UCP1: variants seen among roughly 807,000 people sequenced by gnomAD.
UCP1 encodes uncoupling protein 1, also known as mitochondrial brown fat uncoupling protein 1.
A neutral mutation model predicts 26.2 loss-of-function variants in UCP1; 24 were observed. That is an observed-to-expected ratio of 0.92 (90% CI 0.66 to 1.29). The LOEUF is 1.29. Among genes scored for constraint, UCP1 ranks in the 50% most tolerant of loss-of-function variants. The pLI, the probability that UCP1 is intolerant of heterozygous loss-of-function variation, is 0.00. For missense variants in UCP1, 402 were observed against 388.7 expected, an observed-to-expected ratio of 1.03 and a Z score of -0.29; for synonymous variants, 164 against 156.8, an observed-to-expected ratio of 1.05 and a Z score of -0.34.
In UCP1 at chr4:140,567,861, C is replaced by T. The variant is rs1295687161; in HGVS notation, c.243G>A (p.Gly81=). 3.1e-6 allele frequency: 5 copies of T among 1,613,998 alleles called. No homozygotes were observed. The South Asian group carries it at 3.3e-5, about 11-fold the overall frequency. The part of the protein sequence containing the change: ...RMKLYSGLPA[G]LQRQISSASL... ...AGGCGGAGCTGATTTGCCGCTGAAG[C>T]CCCGCAGGCAGCCCGCTGTAGAGTT... The change falls in exon 2 of 6, where the codon GGG becomes GGA. Residue 81 remains glycine (G), a synonymous_variant. Coordinates refer to ENST00000262999, the MANE Select transcript of UCP1 (RefSeq NM_021833.5).
intron 1 of UCP1, 111 bp from the exon 2 acceptor site, chr4:140,568,088 T>G: frequency 9.3e-7 from 1 of 1,080,412 alleles, no homozygotes; most frequent in Non-Finnish European, 1.4e-6. Flanking sequence ...AACATTCCTC[T>G]TCCATCCACC....
intron 2 of UCP1, among the ~76,000 whole-genome samples, chr4:140,564,042 C>G (rs1017197156): frequency 6.6e-5 from 10 of 152,142 alleles, no homozygotes; most frequent in African/African-American, 1.9e-4. Context: ...TGAAGACTTT[C>G]AAGGAACAAG....
chr4:140,563,896 C>T (rs1214093971), intron 2 of UCP1, among the ~76,000 whole-genome samples: 1 of 152,156 alleles, frequency 6.6e-6, no homozygotes, highest in Non-Finnish European at 1.5e-5. Context: ...GTATGAGCCA[C>T]CCACCTGGCC....
At chr4:140,568,045 CCT>C (rs539493010) in intron 1 of UCP1, 68 bp from the exon 2 acceptor site, 474 of 1,542,476 alleles carry the variant, frequency 3.1e-4, no homozygotes, top group African/African-American at 2.2e-3. Flanking sequence ...AAGATTTCCC[CCT>C]GTGTTCCTAT....
rs1429768947 is a variant in UCP1 at position 140,560,047 on chromosome 4, T to C, written c.810-37A>G. The C allele has an allele frequency of 7.0e-6, 11 of 1,575,358 alleles. No individual in the cohort carries two copies. The East Asian group carries it at 2.5e-4, about 35-fold the overall frequency. ...CATGTCATCGTTCGATTAATTTGTT[T>C]GATTTTTTTTTTTTTTAATTTTTGA... On this transcript the variant is annotated intron_variant, in intron 5 of 5. Transcript: ENST00000262999.
chr4:140,562,092 T>A (rs994388691), intron 5 of UCP1, 101 bp downstream of exon 5: 5 of 1,356,548 alleles, frequency 3.7e-6, no homozygotes, highest in African/African-American at 1.4e-5. Context: ...TATATGAATA[T>A]ACTAAGGCTT....
Position 140,559,734 on chromosome 4 carries a change from A to C in UCP1, c.*162T>G. ...CTGAGAAAAAAAAAAAGTTATATGAAATAGGCATTAATTTTCCTCTTTTTT... is the reference window on the plus strand; with the variant it reads ...CTGAGAAAAAAAAAAAGTTATATGACATAGGCATTAATTTTCCTCTTTTTT... On this transcript the variant is annotated 3_prime_UTR_variant, in exon 6 of 6. Coordinates refer to ENST00000262999, the MANE Select transcript of UCP1 (RefSeq NM_021833.5). The C allele has an allele frequency of 1.5e-6, 1 of 666,122 alleles. No individual in the cohort carries two copies. 41.3% of individuals were successfully genotyped at this position (666,122 alleles called of 1,614,324 possible).
At position 140,559,709 on chromosome 4, in the gene UCP1, C is replaced by T; in HGVS notation, c.*187G>A. 1.7e-6 allele frequency: 1 copy of T among 593,284 alleles called. No individual in the cohort carries two copies. The allele number at this position is 593,284 out of a possible 1,614,324, so 36.8% of individuals were successfully genotyped here. A position where few individuals can be genotyped will look rare whatever the true frequency, so the allele number is the denominator to read the frequency against. Reference sequence around the variant, plus strand: ...GTTTTGCTTTCCCCTTCTTAAGACACTGAGAAAAAAAAAAAGTTATATGAA... The same window carrying T: ...GTTTTGCTTTCCCCTTCTTAAGACATTGAGAAAAAAAAAAAGTTATATGAA... On this transcript the variant is annotated 3_prime_UTR_variant, in exon 6 of 6. Transcript: ENST00000262999.
At chr4:140,564,094 G>T (rs1376823730) in intron 2 of UCP1, among the ~76,000 whole-genome samples, 1 of 152,178 alleles carries the variant, frequency 6.6e-6, no homozygotes, top group African/African-American at 2.4e-5. Context: ...ATTCTTTCCT[G>T]TGTTCAACTT....
chr4:140,562,370 T>C lies in UCP1; in HGVS notation c.632A>G (p.Asp211Gly), dbSNP rs1735696925. The change falls in exon 5 of 6, where the codon GAC (aspartate) becomes GGC (glycine). Residue 211 changes from aspartate (D) to glycine (G), a missense_variant. Physicochemically the swap from Asp to Gly is moderately conservative, Grantham distance 94. Coordinates refer to ENST00000262999, the MANE Select transcript of UCP1 (RefSeq NM_021833.5). The part of the protein sequence containing the change: ...AFVKNNILAD[D>G]VPCHLVSALI... ...AGCCGACACCAAGTGGCAGGGGACG[T>C]CATCTAAAATGGATCGATGAAACAG... 3 of 1,613,986 alleles carry C rather than the reference T, an allele frequency of 1.9e-6. No individual in the cohort carries two copies. The highest frequency in any genetic ancestry group is 3.3e-5 in the Admixed American group (2 of 60,004).
chr4:140,568,778 G>A lies in UCP1; in HGVS notation c.-49C>T. ...AGAGGAAAAGGGCTCCAGCCCCGAA[G>A]GTGGAGGAAGTTCCTTTCCCTTGCT... On this transcript the variant is annotated 5_prime_UTR_variant, in exon 1 of 6. Coordinates refer to ENST00000262999, the MANE Select transcript of UCP1 (RefSeq NM_021833.5). 6.5e-7 allele frequency: 1 copy of A among 1,546,254 alleles called. No individual in the cohort carries two copies.
At chr4:140,567,376 A>C (rs1344795307) in intron 2 of UCP1, among the ~76,000 whole-genome samples, 1 of 152,222 alleles carries the variant, frequency 6.6e-6, no homozygotes, top group Non-Finnish European at 1.5e-5. Flanking sequence ...TTGTGGAAAG[A>C]CACTCTGGTC....
intron 5 of UCP1, among the ~76,000 whole-genome samples, chr4:140,560,850 A>G (rs1173709540): frequency 6.6e-6 from 1 of 152,008 alleles, no homozygotes; most frequent in Non-Finnish European, 1.5e-5. Flanking sequence ...TTGTCACCCC[A>G]AAAAGAAACT....
chr4:140,563,577 T>G, intron 2 of UCP1, 59 bp from the exon 3 acceptor site: 223 of 1,347,362 alleles, frequency 1.7e-4, no homozygotes, highest in Non-Finnish European at 2.1e-4. Flanking sequence ...AATGCATGCA[T>G]GTCTTTTTAA....
intron 2 of UCP1, among the ~76,000 whole-genome samples, chr4:140,566,130 T>C (rs1735789600): frequency 6.6e-6 from 1 of 152,216 alleles, no homozygotes; most frequent in African/African-American, 2.4e-5. Context: ...GTGATGTTCA[T>C]TCAACAACCA....
intron 2 of UCP1, among the ~76,000 whole-genome samples, chr4:140,564,240 T>C (rs1291289468): frequency 6.6e-6 from 1 of 152,132 alleles, no homozygotes; most frequent in Non-Finnish European, 1.5e-5. Flanking sequence ...TGAAGCCCAG[T>C]GGACAAACTG....
Position 140,559,890 on chromosome 4 carries a change from AG to A in UCP1, c.*5del. Reference sequence around the variant, plus strand: ...CTGGTATGTTACATCATTTTCTTGAAGCTGATTATGTGGCACAGTCCATAGT... The same window carrying A: ...CTGGTATGTTACATCATTTTCTTGAACTGATTATGTGGCACAGTCCATAGT... On this transcript the variant is annotated 3_prime_UTR_variant, in exon 6 of 6. Coordinates refer to ENST00000262999, the MANE Select transcript of UCP1 (RefSeq NM_021833.5). 2.5e-6 allele frequency: 4 copies of A among 1,608,546 alleles called. No individual in the cohort carries two copies. In the South Asian group the frequency reaches 3.3e-5, roughly 13 times the overall value.
At chr4:140,565,921 G>A (rs1735785473) in intron 2 of UCP1, among the ~76,000 whole-genome samples, 1 of 151,868 alleles carries the variant, frequency 6.6e-6, no homozygotes, top group Non-Finnish European at 1.5e-5. Context: ...CTATCACCTA[G>A]TGACATCCCA....
intron 5 of UCP1, among the ~76,000 whole-genome samples, 171 bp downstream of exon 5, chr4:140,562,022 T>C (rs895156084): frequency 6.6e-6 from 1 of 152,224 alleles, no homozygotes; most frequent in African/African-American, 2.4e-5. Context: ...CTTTTTACTT[T>C]CTGGCACAGT....
Sources: gnomAD v4.1 joint callset for allele counts (sites outside exome capture counted in the v4.1 genomes callset) on GRCh38, gnomAD v4.1.1 for gene constraint, MANE v1.5 for transcripts, NCBI Gene and HGNC (gene_info 2026-07-23, HGNC 2026-07-21) for gene names.